FBXL7: variants seen among roughly 807,000 people sequenced by gnomAD.
FBXL7 encodes the protein F-box and leucine rich repeat protein 7, also known as F-box/LRR-repeat protein 7.
In FBXL7, 12 loss-of-function variants were observed where a neutral mutation model predicts 38.3. The observed-to-expected ratio is 0.31, with a 90% CI of 0.20 to 0.51. The LOEUF (loss-of-function observed/expected upper bound fraction) is 0.51. FBXL7 is among the 20% of genes least tolerant of loss of function. The pLI, the probability that FBXL7 is intolerant of heterozygous loss-of-function variation, is 0.98. For missense variants in FBXL7, 567 were observed against 676.4 expected (o/e 0.84, Z 1.79); for synonymous variants, 297 against 300.9 (o/e 0.99, Z 0.13).
At chr5:15,765,914 T>C (rs1162728335) in intron 2 of FBXL7, among the ~76,000 whole-genome samples, 2 of 152,204 alleles carry the variant, frequency 1.3e-5, no homozygotes, top group Admixed American at 6.6e-5. Flanking sequence ...CTCTCTCACG[T>C]GACCATGCTT....
chr5:15,793,454 CTTA>C (rs1365557754), intron 2 of FBXL7, among the ~76,000 whole-genome samples: 2 of 152,130 alleles, frequency 1.3e-5, no homozygotes, highest in Non-Finnish European at 2.9e-5. Flanking sequence ...TATAAGGATA[CTTA>C]TTATTGGATT....
chr5:15,628,080 C>A (rs796564724), intron 2 of FBXL7, among the ~76,000 whole-genome samples: 1 of 152,028 alleles, frequency 6.6e-6, no homozygotes. Context: ...AGAATTGTAA[C>A]GGGTGAAGTC....
At chr5:15,698,659 T>C (rs1384183779) in intron 2 of FBXL7, among the ~76,000 whole-genome samples, 1 of 152,224 alleles carries the variant, frequency 6.6e-6, no homozygotes, top group Non-Finnish European at 1.5e-5. Flanking sequence ...CTTTTTCTCT[T>C]TCTGTAAGAG....
intron 2 of FBXL7, among the ~76,000 whole-genome samples, chr5:15,748,447 T>C: frequency 6.6e-6 from 1 of 152,184 alleles, no homozygotes; most frequent in East Asian, 1.9e-4. Flanking sequence ...CATAGGGGTT[T>C]CCCCCATACT....
At chr5:15,638,745 C>T (rs149738798) in intron 2 of FBXL7, among the ~76,000 whole-genome samples, 6 of 152,174 alleles carry the variant, frequency 3.9e-5, no homozygotes, top group Non-Finnish European at 5.9e-5. Flanking sequence ...TGCAAACCAT[C>T]GGTCCGTATA....
At chr5:15,880,144 CTG>C (rs1344923301) in intron 2 of FBXL7, among the ~76,000 whole-genome samples, 1 of 152,184 alleles carries the variant, frequency 6.6e-6, no homozygotes, top group Non-Finnish European at 1.5e-5. Flanking sequence ...ACTATTACCT[CTG>C]GAAGTAGAGG....
At chr5:15,508,797 A>G (rs1363649438) in intron 1 of FBXL7, among the ~76,000 whole-genome samples, 1 of 152,172 alleles carries the variant, frequency 6.6e-6, no homozygotes. Context: ...TGTATTATAC[A>G]TACGTGTTTA....
At chr5:15,758,025 A>G (rs1736343898) in intron 2 of FBXL7, among the ~76,000 whole-genome samples, 1 of 152,092 alleles carries the variant, frequency 6.6e-6, no homozygotes, top group East Asian at 1.9e-4. Flanking sequence ...GATAAAGATG[A>G]GGGAGATAAC....
At chr5:15,901,314 G>A (rs1183497425) in intron 2 of FBXL7, among the ~76,000 whole-genome samples, 1 of 152,186 alleles carries the variant, frequency 6.6e-6, no homozygotes, top group Non-Finnish European at 1.5e-5. Flanking sequence ...GTGTCTTCAC[G>A]TGGTAGAAGA....
chr5:15,575,081 G>A (rs545236836), intron 1 of FBXL7, among the ~76,000 whole-genome samples: 1 of 152,246 alleles, frequency 6.6e-6, no homozygotes, highest in East Asian at 1.9e-4. Context: ...GTGAGTAGAA[G>A]TCAGGGATGA....
intron 2 of FBXL7, among the ~76,000 whole-genome samples, chr5:15,800,022 GA>G (rs1192720946): frequency 2.0e-5 from 3 of 152,278 alleles, no homozygotes; most frequent in African/African-American, 7.2e-5. Context: ...GTGATTTTGG[GA>G]GGGGTTTTCT....
At chr5:15,642,349 CCA>C (rs763928898) in intron 2 of FBXL7, among the ~76,000 whole-genome samples, 1 of 152,092 alleles carries the variant, frequency 6.6e-6, no homozygotes, top group Non-Finnish European at 1.5e-5. Context: ...CAAGGGTACC[CCA>C]CACACACAGC....
In FBXL7 at chr5:15,500,519, G is replaced by C; in HGVS notation, c.-158G>C. 1 of 956,324 alleles carries C rather than the reference G, an allele frequency of 1.0e-6. No individual in the cohort carries two copies. The highest frequency in any genetic ancestry group is 1.3e-5 in the South Asian group (1 of 77,178). 59.2% of individuals were successfully genotyped at this position (956,324 alleles called of 1,614,324 possible). On this transcript the variant is annotated 5_prime_UTR_variant, in exon 1 of 4. Transcript: ENST00000504595. Reference sequence around the variant, plus strand: ...GGGGACGCAGCACCCCCTCCCACTGGAGTGCGGGGACCTCTCCAGGCCGGA... The same window carrying C: ...GGGGACGCAGCACCCCCTCCCACTGCAGTGCGGGGACCTCTCCAGGCCGGA...
chr5:15,747,624 A>T (rs1736048430), intron 2 of FBXL7, among the ~76,000 whole-genome samples: 1 of 152,216 alleles, frequency 6.6e-6, no homozygotes, highest in Non-Finnish European at 1.5e-5. Context: ...CTTGATTCTC[A>T]GCAAAGGTGA....
At chr5:15,622,158 A>G (rs970970948) in intron 2 of FBXL7, among the ~76,000 whole-genome samples, 6 of 152,140 alleles carry the variant, frequency 3.9e-5, no homozygotes, top group African/African-American at 1.4e-4. Flanking sequence ...CATATAGCAC[A>G]ATTGTTTCAC....
chr5:15,521,163 G>A (rs1212890565), intron 1 of FBXL7, among the ~76,000 whole-genome samples: 3 of 152,182 alleles, frequency 2.0e-5, no homozygotes, highest in African/African-American at 7.2e-5. Flanking sequence ...ATCTGGAAAA[G>A]GGAGTCAGAA....
intron 1 of FBXL7, among the ~76,000 whole-genome samples, chr5:15,582,669 G>T (rs917491208): frequency 6.6e-6 from 1 of 152,158 alleles, no homozygotes; most frequent in Admixed American, 6.5e-5. Flanking sequence ...TTTAGAATGT[G>T]TGCAGTTTCT....
In FBXL7 at chr5:15,928,409, G is replaced by A. The variant is rs1260728562; in HGVS notation, c.647G>A (p.Arg216Gln). ...GCCCAGTGCTGCCCCGAACTGAGGCGACTGGAAGTCTCAGGCTGTTACAAT... is the reference window on the plus strand; with the variant it reads ...GCCCAGTGCTGCCCCGAACTGAGGCAACTGGAAGTCTCAGGCTGTTACAAT... ...TIAQCCPELR[R>Q]LEVSGCYNIS... Residue 216 changes from arginine (R) to glutamine (Q), a missense_variant, in exon 3 of 4, where the codon CGA becomes CAA. Physicochemically the swap from Arg to Gln is conservative, Grantham distance 43. Coordinates refer to ENST00000504595, the MANE Select transcript of FBXL7 (RefSeq NM_012304.5). This position sits in a 1 kb window ranked among gnomAD's most constrained non-coding sequence, Gnocchi z 4.0. 53 of 1,613,930 alleles carry A rather than the reference G, an allele frequency of 3.3e-5. No homozygotes were observed. The highest frequency in any genetic ancestry group is 4.4e-5 in the Non-Finnish European group (52 of 1,179,912).
intron 2 of FBXL7, among the ~76,000 whole-genome samples, chr5:15,722,930 C>CAAAAAAAAAA (rs1554017097): frequency 3.3e-4 from 47 of 142,058 alleles, no homozygotes; most frequent in African/African-American, 4.2e-4. Context: ...TCAAAAAAAA[C>CAAAAAAAAAA]AAAAAAAAAA....
Sources: allele counts gnomAD v4.1 joint callset (sites outside exome capture counted in the v4.1 genomes callset), GRCh38; gene constraint gnomAD v4.1.1; non-coding constraint Gnocchi (gnomAD v3.1); transcripts MANE v1.5; gene names NCBI Gene and HGNC (gene_info 2026-07-23, HGNC 2026-07-21).